Variants in NCAM2 observed in about 807,000 individuals in gnomAD.
NCAM2 encodes the protein N-CAM-2.
Under a neutral mutation model 98.1 loss-of-function variants are expected in NCAM2, and 30 were observed. That is an observed-to-expected ratio of 0.31 (90% confidence interval 0.23 to 0.41). The LOEUF is 0.41. NCAM2 is among the 10% of genes least tolerant of loss of function. The probability of loss-of-function intolerance (pLI) is 1.00; values close to 1 mark genes in which losing one functional copy is unlikely to be tolerated. For synonymous variants in NCAM2, 368 were observed against 342.4 expected, an observed-to-expected ratio of 1.07 and a Z score of -0.83; for missense variants, 867 against 1,005.8, an observed-to-expected ratio of 0.86 and a Z score of 1.87.
intron 12 of NCAM2, among the ~76,000 whole-genome samples, chr21:21,448,416 A>G (rs940489689): frequency 4.6e-5 from 7 of 151,780 alleles, no homozygotes; most frequent in Non-Finnish European, 7.4e-5. Context: ...AAAGGAGGGA[A>G]CTTAGAGGAT....
chr21:21,341,378 T>G (rs975250447), intron 8 of NCAM2, among the ~76,000 whole-genome samples: 2 of 152,158 alleles, frequency 1.3e-5, no homozygotes, highest in African/African-American at 4.8e-5. Context: ...TGGTGTCATA[T>G]TGTTAGTCTT....
intron 1 of NCAM2, among the ~76,000 whole-genome samples, chr21:21,254,273 C>A (rs1051957755): frequency 1.3e-5 from 2 of 152,134 alleles, no homozygotes; most frequent in African/African-American, 4.8e-5. Context: ...AGTGAAGAAT[C>A]TGAAACTGAA....
intron 16 of NCAM2, among the ~76,000 whole-genome samples, chr21:21,518,053 G>T (rs1286823126): frequency 2.0e-5 from 3 of 152,058 alleles, no homozygotes; most frequent in African/African-American, 7.2e-5. Flanking sequence ...TGCTCCACAT[G>T]TTGTGTGACA....
intron 1 of NCAM2, among the ~76,000 whole-genome samples, chr21:21,242,261 G>A (rs1308810560): frequency 6.6e-6 from 1 of 151,590 alleles, no homozygotes; most frequent in Non-Finnish European, 1.5e-5. Context: ...AACATGCTTT[G>A]ATATATGTGT....
chr21:21,177,835 C>G (rs2068344919), intron 1 of NCAM2, among the ~76,000 whole-genome samples: 1 of 151,652 alleles, frequency 6.6e-6, no homozygotes, highest in South Asian at 2.1e-4. Context: ...GAACTGGACA[C>G]TTTCCTCTCA....
intron 1 of NCAM2, among the ~76,000 whole-genome samples, chr21:21,220,294 G>A (rs992524580): frequency 7.9e-5 from 12 of 152,040 alleles, no homozygotes; most frequent in Admixed American, 2.0e-4. Flanking sequence ...GTCATACATA[G>A]GCATATTATT....
chr21:21,406,189 T>C (rs979952863), intron 9 of NCAM2, among the ~76,000 whole-genome samples: 3 of 152,078 alleles, frequency 2.0e-5, no homozygotes, highest in African/African-American at 7.2e-5. Flanking sequence ...AAGAGAGAGA[T>C]TGAGCTCAAA....
chr21:21,064,080 A>G (rs62207561), intron 1 of NCAM2, among the ~76,000 whole-genome samples: 26,934 of 152,128 alleles, frequency 0.18, 2,605 homozygotes, highest in Non-Finnish European at 0.19. Flanking sequence ...GAAGGAGCAG[A>G]GTGTGTGAAG....
chr21:21,246,004 T>C (rs1048335463), intron 1 of NCAM2, among the ~76,000 whole-genome samples: 3 of 152,218 alleles, frequency 2.0e-5, no homozygotes, highest in Admixed American at 1.3e-4. Flanking sequence ...TCCACTTTGG[T>C]GTGGATTGTA....
At chr21:21,088,035 T>A (rs1251043083) in intron 1 of NCAM2, among the ~76,000 whole-genome samples, 4 of 152,236 alleles carry the variant, frequency 2.6e-5, no homozygotes, top group African/African-American at 9.6e-5. Context: ...GTGTTTTATA[T>A]ATTGGAATCT....
At chr21:21,300,251 A>T (rs1413771513) in intron 5 of NCAM2, among the ~76,000 whole-genome samples, 1 of 151,860 alleles carries the variant, frequency 6.6e-6, no homozygotes, top group South Asian at 2.1e-4. Flanking sequence ...CAGGGGCCCT[A>T]TTTGCAAACA....
At chr21:21,459,449 AAT>A (rs1003756189) in intron 12 of NCAM2, among the ~76,000 whole-genome samples, 5 of 148,478 alleles carry the variant, frequency 3.4e-5, no homozygotes, top group Non-Finnish European at 5.9e-5. Flanking sequence ...CCATATTTAT[AAT>A]ATATATAATA....
intron 15 of NCAM2, among the ~76,000 whole-genome samples, chr21:21,479,607 A>AAAAAAAAAAAAAAAAAAAAAAAAAAAAC: frequency 8.3e-6 from 1 of 120,812 alleles, no homozygotes; most frequent in Non-Finnish European, 1.9e-5. Flanking sequence ...AAAAAAAAAA[A>AAAAAAAAAAAAAAAAAAAAAAAAAAAAC]ATTGTTGATG....
rs1353950193 is a variant in NCAM2, at chr21:21,248,083, ATATAAG to A, written c.56-32491_56-32486del. ...ATTCAATTAAATAGACAATAATATTATATAAGTATGTGTATAAATAAGTAAACTCTA... is the reference window on the plus strand; with the variant it reads ...ATTCAATTAAATAGACAATAATATTATATGTGTATAAATAAGTAAACTCTA... On this transcript the variant is annotated intron_variant, in intron 1 of 17. Coordinates refer to ENST00000400546, the MANE Select transcript of NCAM2 (RefSeq NM_004540.5). 1.2e-4 allele frequency among the ~76,000 whole-genome samples: 18 copies of A among 151,798 alleles called. No individual in the cohort carries two copies. In the East Asian group the frequency reaches 3.3e-3, roughly 28 times the overall value.
Position 21,338,380 on chromosome 21 carries a change from T to A in NCAM2, c.899-9T>A. ...AATACCGGTTGAGTAATATATATATTCTTTACAGTACAGCCTCACATAATA... is the reference window on the plus strand; with the variant it reads ...AATACCGGTTGAGTAATATATATATACTTTACAGTACAGCCTCACATAATA... On this transcript the variant is annotated splice_polypyrimidine_tract_variant and intron_variant, in intron 7 of 17. Coordinates refer to ENST00000400546, the MANE Select transcript of NCAM2 (RefSeq NM_004540.5). 6.2e-7 allele frequency: 1 copy of A among 1,606,196 alleles called. No individual in the cohort carries two copies. Among genetic ancestry groups the A allele is most frequent in the Non-Finnish European group, 8.5e-7 (1 of 1,174,310 alleles).
intron 5 of NCAM2, among the ~76,000 whole-genome samples, chr21:21,304,402 C>T (rs568683821): frequency 6.6e-6 from 1 of 151,786 alleles, no homozygotes; most frequent in East Asian, 1.9e-4. Context: ...ACAGAATTGC[C>T]TTTTCATTAT....
chr21:21,403,561 G>A (rs762771808), intron 9 of NCAM2, among the ~76,000 whole-genome samples: 2 of 152,110 alleles, frequency 1.3e-5, no homozygotes, highest in Non-Finnish European at 2.9e-5. Flanking sequence ...GTTGTGTCCA[G>A]CATCTGCTAA....
chr21:21,317,685 A>G (rs1248742508), intron 5 of NCAM2, among the ~76,000 whole-genome samples: 1 of 151,868 alleles, frequency 6.6e-6, no homozygotes, highest in African/African-American at 2.4e-5. Context: ...GGCACACACC[A>G]TCCTATCCTG....
chr21:21,357,946 G>A (rs972393458), intron 8 of NCAM2, among the ~76,000 whole-genome samples: 2 of 152,002 alleles, frequency 1.3e-5, no homozygotes, highest in South Asian at 2.1e-4. Context: ...ACATACAGCC[G>A]AACTAGACAC....
Sources: allele counts gnomAD v4.1 joint callset (sites outside exome capture counted in the v4.1 genomes callset), GRCh38; gene constraint gnomAD v4.1.1; transcripts MANE v1.5; gene names NCBI Gene and HGNC (gene_info 2026-07-23, HGNC 2026-07-21).